The following SCARA5 variants were observed in gnomAD, a reference collection of about 807,000 sequenced individuals.
The protein encoded by SCARA5 is scavenger receptor class A, member 5 (putative).
Under a neutral mutation model 46.3 loss-of-function variants are expected in SCARA5, and 45 were observed. That is an observed-to-expected ratio of 0.97 (90% CI 0.76 to 1.24). The LOEUF (loss-of-function observed/expected upper bound fraction) is 1.24, where lower values mean the gene tolerates loss of function less well. SCARA5 is among the 50% of genes most tolerant of loss of function. SCARA5 has a pLI of 0.00. For missense variants in SCARA5, 680 were observed against 689.0 expected (o/e 0.99, Z 0.15); for synonymous variants, 333 against 306.5 (o/e 1.09, Z -0.90).
chr8:27,885,305 G>A (rs533720405), intron 7 of SCARA5, among the ~76,000 whole-genome samples: 1 of 152,266 alleles, frequency 6.6e-6, no homozygotes, highest in South Asian at 2.1e-4. Context: ...TCTGTACTCT[G>A]GCCTAAGCTT....
At chr8:27,973,434 G>A (rs762899597) in intron 2 of SCARA5, among the ~76,000 whole-genome samples, 27 of 151,976 alleles carry the variant, frequency 1.8e-4, no homozygotes, top group Admixed American at 9.8e-4. Context: ...CCGAGATCGC[G>A]CCACTACACT....
chr8:27,923,011 C>T (rs4732790), intron 3 of SCARA5, among the ~76,000 whole-genome samples: 88,742 of 152,114 alleles, frequency 0.58, 26,767 homozygotes, highest in South Asian at 0.73. Context: ...ACATTTGTTG[C>T]TTATAAATTA....
At position 27,953,246 on chromosome 8, in the gene SCARA5, G is replaced by A. The variant is rs925794257; in HGVS notation, c.241+13168C>T. Among the ~76,000 whole-genome samples, 10 of 152,242 alleles carry A rather than the reference G, an allele frequency of 6.6e-5. No individual in the cohort carries two copies. In the East Asian group the frequency reaches 9.6e-4, roughly 15 times the overall value. On this transcript the variant is annotated intron_variant, in intron 3 of 8. Coordinates refer to ENST00000354914, the MANE Select transcript of SCARA5 (RefSeq NM_173833.6). ...GCCTCTCAGGCTGTCTCGAGAGTCC[G>A]AAGCACAGAGGCATGGGTGGGTCTG...
At chr8:27,970,670 T>C (rs1808434697) in intron 2 of SCARA5, among the ~76,000 whole-genome samples, 1 of 152,122 alleles carries the variant, frequency 6.6e-6, no homozygotes, top group Non-Finnish European at 1.5e-5. Flanking sequence ...GCCACTTCAA[T>C]AAAAGTTACT....
chr8:27,989,344 T>G (rs550497718), intron 1 of SCARA5, among the ~76,000 whole-genome samples: 34 of 152,114 alleles, frequency 2.2e-4, no homozygotes, highest in Non-Finnish European at 4.7e-4. Flanking sequence ...GCCAGGCTGG[T>G]CTGGAACTCC....
intron 7 of SCARA5, chr8:27,903,280 A>T (rs1807190744): frequency 6.6e-6 from 1 of 152,202 alleles, no homozygotes. Flanking sequence ...TGTAGTTTAC[A>T]TCTCAGCTGA....
intron 2 of SCARA5, among the ~76,000 whole-genome samples, chr8:27,987,261 C>T (rs914595117): frequency 6.6e-6 from 1 of 152,232 alleles, no homozygotes; most frequent in African/African-American, 2.4e-5. Context: ...CACCATAAGA[C>T]TGATGGACTG....
chr8:27,967,003 C>T lies in SCARA5; in HGVS notation c.113-461G>A, dbSNP rs527984397. Among the ~76,000 whole-genome samples, 17 of 152,300 alleles carry T rather than the reference C, an allele frequency of 1.1e-4. 1 individual carries two copies. In the South Asian group the frequency reaches 2.9e-3, roughly 26 times the overall value. ...CCCAGTGGGACTGTGGGGAGGCCAACGGCACGTGCCTGCTCTGGCAGAGGC... is the reference window on the plus strand; with the variant it reads ...CCCAGTGGGACTGTGGGGAGGCCAATGGCACGTGCCTGCTCTGGCAGAGGC... On this transcript the variant is annotated intron_variant, in intron 2 of 8. Transcript: ENST00000354914.
intron 3 of SCARA5, among the ~76,000 whole-genome samples, chr8:27,935,424 G>C (rs1440584083): frequency 6.6e-6 from 1 of 152,190 alleles, no homozygotes; most frequent in African/African-American, 2.4e-5. Context: ...TGGAGCACAA[G>C]AGTCTTGAGC....
intron 7 of SCARA5, among the ~76,000 whole-genome samples, chr8:27,891,590 T>C (rs1231906435): frequency 6.6e-6 from 1 of 152,188 alleles, no homozygotes; most frequent in African/African-American, 2.4e-5. Flanking sequence ...AATGCAAGAC[T>C]ACCAAAAGAA....
chr8:27,904,755 C>A (rs759286010), intron 7 of SCARA5, 23 bp downstream of exon 7: 2 of 1,607,240 alleles, frequency 1.2e-6, no homozygotes, highest in Non-Finnish European at 1.7e-6. Context: ...CCATATCCCA[C>A]GGCCCCAGCA....
chr8:27,893,984 C>G (rs751506816), intron 7 of SCARA5, among the ~76,000 whole-genome samples: 10 of 152,250 alleles, frequency 6.6e-5, no homozygotes, highest in Non-Finnish European at 1.5e-4. Context: ...GGCTTGGCCA[C>G]ACCTGGCTCA....
intron 7 of SCARA5, among the ~76,000 whole-genome samples, chr8:27,893,409 G>T (rs1379677654): frequency 1.3e-5 from 2 of 152,138 alleles, no homozygotes; most frequent in African/African-American, 4.8e-5. Context: ...ACTATGTGGG[G>T]ATTCTCCTCT....
At chr8:27,874,522 A>C (rs1286508239) in intron 8 of SCARA5, among the ~76,000 whole-genome samples, 1 of 152,214 alleles carries the variant, frequency 6.6e-6, no homozygotes, top group Non-Finnish European at 1.5e-5. Context: ...ATTTGATTGC[A>C]TATTGGCTTC....
intron 2 of SCARA5, among the ~76,000 whole-genome samples, chr8:27,967,379 C>T (rs1004615481): frequency 1.3e-5 from 2 of 152,168 alleles, no homozygotes; most frequent in Admixed American, 6.5e-5. Context: ...TTTAGCTGAA[C>T]TGGTCCTTCA....
chr8:27,922,670 G>A (rs540210756), intron 3 of SCARA5, among the ~76,000 whole-genome samples: 69 of 152,306 alleles, frequency 4.5e-4, no homozygotes, highest in Middle Eastern at 3.4e-3. Flanking sequence ...GTTTCATGTA[G>A]GTCAGCTTAA....
chr8:27,872,776 C>A (rs1479833953), intron 8 of SCARA5, among the ~76,000 whole-genome samples: 1 of 152,168 alleles, frequency 6.6e-6, no homozygotes, highest in Non-Finnish European at 1.5e-5. Flanking sequence ...ACACCCAAAG[C>A]AAATAAAGAA....
intron 7 of SCARA5, 88 bp downstream of exon 7, chr8:27,904,690 T>A (rs766084136): frequency 8.3e-7 from 1 of 1,209,938 alleles, no homozygotes; most frequent in Non-Finnish European, 1.2e-6. Context: ...GGCTCCAGCC[T>A]CTGAACCTCC....
At chr8:27,978,763 G>A (rs145782380) in intron 2 of SCARA5, among the ~76,000 whole-genome samples, 111 of 152,084 alleles carry the variant, frequency 7.3e-4, no homozygotes, top group African/African-American at 2.6e-3. Flanking sequence ...CTCCCATCTC[G>A]GCCTCCCAAA....
Sources: allele counts gnomAD v4.1 joint callset (sites outside exome capture counted in the v4.1 genomes callset), GRCh38; gene constraint gnomAD v4.1.1; transcripts MANE v1.5; gene names NCBI Gene and HGNC (gene_info 2026-07-23, HGNC 2026-07-21).